Variants in FAR2 observed in about 807,000 individuals in gnomAD.
FAR2 encodes fatty acyl-CoA reductase 2, also known as epididymis secretory protein Li 81.
FAR2 carries 19 observed loss-of-function variants against 56.0 expected under a neutral mutation model. That is an observed-to-expected ratio of 0.34 (90% CI 0.24 to 0.50). FAR2 has a LOEUF of 0.50. FAR2 is among the 20% of genes least tolerant of loss of function. The pLI is 0.98. For synonymous variants in FAR2, 219 were observed against 218.8 expected (o/e 1.00, Z -0.01); for missense variants, 508 against 642.2 (o/e 0.79, Z 2.26).
chr12:29,307,660 G>T lies in FAR2; in HGVS notation c.548G>T (p.Trp183Leu), dbSNP rs1228146281. ...ATTCTCTTTACTCTACCTTTTAGGT[G>T]GTTAGACGATGCTATTATTGACGAG... is the stretch of plus-strand genomic sequence containing the variant. The part of the protein sequence containing the change: ...EPKKIIDSLE[W>L]LDDAIIDEIT... The change falls in exon 5 of 12, where the codon TGG (tryptophan) becomes TTG (leucine). Residue 183 changes from tryptophan to leucine, a missense_variant and splice_region_variant. Physicochemically the swap from Trp to Leu is moderately conservative, Grantham distance 61 (BLOSUM62 -2). Coordinates refer to ENST00000536681, the MANE Select transcript of FAR2 (RefSeq NM_001271783.2). The T allele has an allele frequency of 1.9e-6, 3 of 1,608,348 alleles. No homozygotes were observed. The highest frequency in any genetic ancestry group is 2.7e-5 in the African/African-American group (2 of 74,688).
chr12:29,168,687 G>T (rs138085246), intron 1 of FAR2, among the ~76,000 whole-genome samples: 2,910 of 152,204 alleles, frequency 0.019, 86 homozygotes, highest in African/African-American at 0.063. Flanking sequence ...TTGTGGTCTC[G>T]CTGACTTCAA....
Position 29,185,690 on chromosome 12 carries a change from G to C in FAR2, c.-39+36283G>C, listed in dbSNP as rs181857412. On this transcript the variant is annotated intron_variant, in intron 1 of 11. Transcript: ENST00000536681. The stretch of plus-strand genomic sequence containing the variant: ...GCTATCTCCTAGCTCATCTGCCTTT[G>C]ACATGGGATAATATTGCCCCACTGT... 3.3e-5 allele frequency among the ~76,000 whole-genome samples: 5 copies of C among 152,294 alleles called. No individual in the cohort carries two copies. The East Asian group carries it at 9.6e-4, about 29-fold the overall frequency.
At chr12:29,266,082 C>T (rs1484228623) in intron 1 of FAR2, among the ~76,000 whole-genome samples, 1 of 152,052 alleles carries the variant, frequency 6.6e-6, no homozygotes, top group Non-Finnish European at 1.5e-5. Flanking sequence ...TACATTAGTA[C>T]AATCACTACA....
intron 2 of FAR2, among the ~76,000 whole-genome samples, chr12:29,272,348 C>G (rs1948633683): frequency 6.6e-6 from 1 of 152,114 alleles, no homozygotes; most frequent in African/African-American, 2.4e-5. Context: ...TCCTTTTTCT[C>G]TATTCTTGTC....
intron 1 of FAR2, among the ~76,000 whole-genome samples, chr12:29,228,278 GAAC>G (rs1461622071): frequency 3.9e-5 from 6 of 151,950 alleles, no homozygotes; most frequent in African/African-American, 1.5e-4. Flanking sequence ...TGAAACAAAT[GAAC>G]AACAACAACA....
chr12:29,164,869 A>G (rs1027498306), intron 1 of FAR2, among the ~76,000 whole-genome samples: 33 of 152,184 alleles, frequency 2.2e-4, no homozygotes, highest in Non-Finnish European at 7.4e-5. Flanking sequence ...AATCACAGGG[A>G]CACAGTAGCA....
At chr12:29,171,142 G>A (rs1591828952) in intron 1 of FAR2, among the ~76,000 whole-genome samples, 1 of 152,238 alleles carries the variant, frequency 6.6e-6, no homozygotes, top group African/African-American at 2.4e-5. Context: ...GTCCAGGACA[G>A]GAGATTAACA....
intron 1 of FAR2, among the ~76,000 whole-genome samples, chr12:29,200,477 C>A (rs1434785818): frequency 6.6e-6 from 1 of 152,186 alleles, no homozygotes; most frequent in Non-Finnish European, 1.5e-5. Flanking sequence ...CAGTCTTCTT[C>A]TAAATTTGGG....
At chr12:29,201,829 T>C (rs1947418001) in intron 1 of FAR2, among the ~76,000 whole-genome samples, 1 of 152,220 alleles carries the variant, frequency 6.6e-6, no homozygotes, top group Admixed American at 6.5e-5. Flanking sequence ...CTAGCCACCT[T>C]TTAAGTGCTA....
At chr12:29,241,094 C>T (rs755238106) in intron 1 of FAR2, among the ~76,000 whole-genome samples, 2 of 152,206 alleles carry the variant, frequency 1.3e-5, no homozygotes, top group Non-Finnish European at 2.9e-5. Context: ...GCATAAGCCA[C>T]GCACCCGGCC....
At chr12:29,167,231 T>G (rs1949838643) in intron 1 of FAR2, among the ~76,000 whole-genome samples, 1 of 152,238 alleles carries the variant, frequency 6.6e-6, no homozygotes, top group Non-Finnish European at 1.5e-5. Flanking sequence ...CTGAAGGAGT[T>G]GTTATAAATA....
chr12:29,244,222 A>G (rs991810216), intron 1 of FAR2, among the ~76,000 whole-genome samples: 2 of 152,220 alleles, frequency 1.3e-5, no homozygotes, highest in East Asian at 1.9e-4. Flanking sequence ...TGGTCACTTC[A>G]TGCTCCAAAA....
intron 1 of FAR2, among the ~76,000 whole-genome samples, chr12:29,224,270 A>T (rs1365166803): frequency 6.6e-6 from 1 of 152,192 alleles, no homozygotes; most frequent in Non-Finnish European, 1.5e-5. Flanking sequence ...GGAAGGATGG[A>T]TGGAGGAAGA....
intron 1 of FAR2, among the ~76,000 whole-genome samples, chr12:29,187,386 A>G (rs183565058): frequency 6.6e-6 from 1 of 152,098 alleles, no homozygotes; most frequent in East Asian, 1.9e-4. Flanking sequence ...CTTGACTTTC[A>G]ATTGAAATAA....
intron 1 of FAR2, among the ~76,000 whole-genome samples, chr12:29,205,571 G>T (rs1293655910): frequency 6.6e-6 from 1 of 152,184 alleles, no homozygotes; most frequent in East Asian, 1.9e-4. Flanking sequence ...TGCTACCAGA[G>T]GCTACAGAAC....
intron 1 of FAR2, among the ~76,000 whole-genome samples, chr12:29,237,764 A>G (rs544059711): frequency 1.1e-3 from 161 of 152,330 alleles, no homozygotes; most frequent in African/African-American, 3.7e-3. Flanking sequence ...ATTTTTGCCA[A>G]TGATAAACTT....
At chr12:29,219,651 T>C (rs925316397) in intron 1 of FAR2, among the ~76,000 whole-genome samples, 5 of 152,120 alleles carry the variant, frequency 3.3e-5, no homozygotes, top group Non-Finnish European at 5.9e-5. Flanking sequence ...GAAGGAACCA[T>C]TGAAATTTAG....
At chr12:29,208,592 C>T (rs968465769) in intron 1 of FAR2, among the ~76,000 whole-genome samples, 3 of 151,932 alleles carry the variant, frequency 2.0e-5, no homozygotes, top group African/African-American at 4.8e-5. Flanking sequence ...TGTAATTCTG[C>T]GTTATTCAGG....
intron 1 of FAR2, among the ~76,000 whole-genome samples, chr12:29,163,782 G>T (rs1285259273): frequency 6.6e-6 from 1 of 152,202 alleles, no homozygotes; most frequent in Non-Finnish European, 1.5e-5. Flanking sequence ...TAGGTTGGAA[G>T]AAACCATTTC....
Sources: allele counts gnomAD v4.1 joint callset (sites outside exome capture counted in the v4.1 genomes callset), GRCh38; gene constraint gnomAD v4.1.1; transcripts MANE v1.5; gene names NCBI Gene and HGNC (gene_info 2026-07-23, HGNC 2026-07-21).